ZNF385D: variants seen among roughly 807,000 people sequenced by gnomAD.
ZNF385D encodes the protein zinc finger protein 385D, also known as zinc finger protein 659.
Under a neutral mutation model 35.8 loss-of-function variants are expected in ZNF385D, and 15 were observed. The ratio of observed to expected loss-of-function variants is 0.42; its 90% CI spans 0.28 to 0.64. The LOEUF (loss-of-function observed/expected upper bound fraction) is 0.64, where lower values mean the gene tolerates loss of function less well. Ranked by LOEUF, ZNF385D falls within the 30% of genes least tolerant of loss-of-function variation. The pLI is 0.23. For missense variants in ZNF385D, 474 were observed against 494.6 expected (o/e 0.96, Z 0.39); for synonymous variants, 212 against 186.8 (o/e 1.13, Z -1.10).
At chr3:21,478,553 G>C (rs928337319) in intron 4 of ZNF385D, among the ~76,000 whole-genome samples, 2 of 152,162 alleles carry the variant, frequency 1.3e-5, no homozygotes, top group African/African-American at 4.8e-5. Flanking sequence ...CTTTGTTACT[G>C]TAAGCCACTG....
intron 2 of ZNF385D, among the ~76,000 whole-genome samples, chr3:22,347,963 A>T (rs1309929380): frequency 6.6e-6 from 1 of 152,170 alleles, no homozygotes; most frequent in African/African-American, 2.4e-5. Context: ...TTTCACCTGA[A>T]ATATGAATAA....
At chr3:21,455,536 T>G (rs900007543) in intron 4 of ZNF385D, among the ~76,000 whole-genome samples, 6 of 152,286 alleles carry the variant, frequency 3.9e-5, no homozygotes, top group African/African-American at 1.2e-4. Flanking sequence ...TAGCCATATG[T>G]AGAAAGCTGA....
At chr3:21,754,647 C>T (rs1349888105), upstream of ZNF385D, among the ~76,000 whole-genome samples, 3 of 151,874 alleles carry the variant, frequency 2.0e-5, no homozygotes, top group African/African-American at 7.3e-5. Flanking sequence ...GCCTTTGTCC[C>T]TCCCCTGACA....
chr3:21,929,722 G>C (rs1203413714), intron 3 of ZNF385D, among the ~76,000 whole-genome samples: 1 of 151,892 alleles, frequency 6.6e-6, no homozygotes, highest in African/African-American at 2.4e-5. Context: ...CAAAGGAGTA[G>C]AACACTGAGG....
At chr3:21,704,600 C>G (rs963653981) in intron 1 of ZNF385D, among the ~76,000 whole-genome samples, 4 of 150,468 alleles carry the variant, frequency 2.7e-5, no homozygotes, top group African/African-American at 7.4e-5. Context: ...CATCTGCCTT[C>G]CGGGTTCAAG....
intron 3 of ZNF385D, among the ~76,000 whole-genome samples, chr3:22,088,146 G>A (rs913549664): frequency 1.3e-5 from 2 of 152,168 alleles, no homozygotes; most frequent in Admixed American, 1.3e-4. Context: ...AGAAAATACA[G>A]ATTTTCTCTG....
At chr3:21,831,041 C>T (rs1559669097) in intron 3 of ZNF385D, among the ~76,000 whole-genome samples, 1 of 151,934 alleles carries the variant, frequency 6.6e-6, no homozygotes, top group Admixed American at 6.6e-5. Flanking sequence ...GTTTATGTAC[C>T]CAGCGAGACT....
In ZNF385D at chr3:22,009,323, T is replaced by G. The variant is rs114225025; in HGVS notation, c.325+159494A>C. On this transcript the variant is annotated intron_variant, in intron 3 of 5. Coordinates refer to the ZNF385D transcript ENST00000494108. ...TATGGAATATTATATATTATAAATA[T>G]TTTTTAAAAAATAGATTTGGCTAGG... 3.3e-5 allele frequency among the ~76,000 whole-genome samples: 5 copies of G among 151,850 alleles called. No individual in the cohort carries two copies. In the East Asian group the frequency reaches 7.7e-4, roughly 23 times the overall value.
intron 3 of ZNF385D, among the ~76,000 whole-genome samples, chr3:21,921,925 G>C (rs1312400652): frequency 1.3e-5 from 2 of 150,812 alleles, no homozygotes; most frequent in Non-Finnish European, 2.9e-5. Context: ...ATACGAAGAA[G>C]AGATGGTGCC....
chr3:22,085,173 G>C (rs1175508046), intron 3 of ZNF385D, among the ~76,000 whole-genome samples: 1 of 148,332 alleles, frequency 6.7e-6, no homozygotes, highest in East Asian at 1.9e-4. Flanking sequence ...ATAAACTAGA[G>C]AAGCAAGAGC....
rs565447113 is a variant in ZNF385D, at chr3:21,976,971, G to A, written c.325+191846C>T. Among the ~76,000 whole-genome samples, 11 of 152,186 alleles carry A rather than the reference G, an allele frequency of 7.2e-5. No individual in the cohort carries two copies. In the East Asian group the frequency reaches 1.5e-3, roughly 21 times the overall value. On this transcript the variant is annotated intron_variant, in intron 3 of 5. Coordinates refer to the ZNF385D transcript ENST00000494108. ...CCACTGCACGTCAGCCTGGGCCACA[G>A]AGCAAGACTCCATCTCAGGAAAATA...
At chr3:21,630,244 C>T (rs13059336) in intron 2 of ZNF385D, among the ~76,000 whole-genome samples, 18,355 of 149,556 alleles carry the variant, frequency 0.12, 1,282 homozygotes, top group Middle Eastern at 0.17. Flanking sequence ...CTCTTGTTGC[C>T]CAGGCTGGAG....
intron 3 of ZNF385D, among the ~76,000 whole-genome samples, chr3:21,982,416 G>A (rs1019691826): frequency 6.6e-6 from 1 of 152,058 alleles, no homozygotes; most frequent in Non-Finnish European, 1.5e-5. Flanking sequence ...TGCTAAGTGA[G>A]TTTTGTGCAT....
At chr3:21,849,942 C>G (rs1050860360) in intron 3 of ZNF385D, among the ~76,000 whole-genome samples, 2 of 151,968 alleles carry the variant, frequency 1.3e-5, no homozygotes, top group African/African-American at 2.4e-5. Flanking sequence ...TAGGGTCTCA[C>G]TATGTTGCCC....
chr3:22,032,040 G>C (rs1184228476), intron 3 of ZNF385D, among the ~76,000 whole-genome samples: 2 of 152,196 alleles, frequency 1.3e-5, no homozygotes, highest in African/African-American at 2.4e-5. Context: ...AGCATAGCAA[G>C]AGTGACCTTT....
rs2065769429 is a variant in ZNF385D, at chr3:21,646,955, T to A, written c.165+17931A>T. On this transcript the variant is annotated intron_variant, in intron 2 of 7. Coordinates refer to ENST00000281523, the MANE Select transcript of ZNF385D (RefSeq NM_024697.3). This position sits in a 1 kb window ranked among gnomAD's most constrained non-coding sequence, Gnocchi z 4.3. ...TTATTCTCTACTCCATCATTTATTC[T>A]AAGCTGCCAGTGATCTTTATAATTG... is the stretch of plus-strand genomic sequence containing the variant. Among the ~76,000 whole-genome samples the A allele has an allele frequency of 1.3e-5, 2 of 152,220 alleles. No homozygotes were observed. The highest frequency in any genetic ancestry group is 4.1e-4 in the South Asian group (2 of 4,826).
Position 21,481,051 on chromosome 3 carries a change from G to C in ZNF385D, c.439+29810C>G, listed in dbSNP as rs538254376. ...GCTTACTCCATCCTAGGCAGAGTGAGAGGTGGTGAGAAACAAAAAGCTGTC... is the reference window on the plus strand; with the variant it reads ...GCTTACTCCATCCTAGGCAGAGTGACAGGTGGTGAGAAACAAAAAGCTGTC... On this transcript the variant is annotated intron_variant, in intron 4 of 7. Coordinates refer to ENST00000281523, the MANE Select transcript of ZNF385D (RefSeq NM_024697.3). 1.5e-4 allele frequency among the ~76,000 whole-genome samples: 23 copies of C among 152,292 alleles called. No homozygotes were observed. The South Asian group carries it at 4.4e-3, about 29-fold the overall frequency.
At chr3:21,982,170 GC>G (rs1170102590) in intron 3 of ZNF385D, among the ~76,000 whole-genome samples, 1 of 150,526 alleles carries the variant, frequency 6.6e-6, no homozygotes, top group African/African-American at 2.5e-5. Flanking sequence ...GGGCAGTATA[GC>G]CATTTTAATT....
intron 3 of ZNF385D, among the ~76,000 whole-genome samples, chr3:21,776,259 T>C (rs924582980): frequency 2.6e-5 from 4 of 151,950 alleles, no homozygotes; most frequent in Admixed American, 6.6e-5. Flanking sequence ...TTATTACTTA[T>C]TGTTTCCTTG....
Sources: gnomAD v4.1 joint callset for allele counts (sites outside exome capture counted in the v4.1 genomes callset) on GRCh38, gnomAD v4.1.1 for gene constraint, Gnocchi (gnomAD v3.1) non-coding constraint, MANE v1.5 for transcripts, NCBI Gene and HGNC (gene_info 2026-07-23, HGNC 2026-07-21) for gene names.